KCND2: variants seen among roughly 807,000 people sequenced by gnomAD.
KCND2 encodes the protein potassium voltage-gated channel subfamily D member 2.
KCND2 carries 16 observed loss-of-function variants against 54.4 expected under a neutral mutation model. That is an observed-to-expected ratio of 0.29 (90% confidence interval 0.20 to 0.45). The LOEUF is 0.45. KCND2 is among the 20% of genes least tolerant of loss of function. KCND2 has a pLI of 1.00. For missense variants in KCND2, 486 were observed against 824.2 expected (o/e 0.59, Z 5.02); for synonymous variants, 317 against 310.7 (o/e 1.02, Z -0.21).
intron 1 of KCND2, among the ~76,000 whole-genome samples, chr7:120,468,064 T>C (rs1307684159): frequency 6.6e-6 from 1 of 152,122 alleles, no homozygotes; most frequent in Non-Finnish European, 1.5e-5. Context: ...CTCTGGAAGC[T>C]TTAGGCCTCT....
chr7:120,428,164 C>T (rs1217695134), intron 1 of KCND2, among the ~76,000 whole-genome samples: 1 of 152,166 alleles, frequency 6.6e-6, no homozygotes, highest in Admixed American at 6.5e-5. Flanking sequence ...CCAACTCATT[C>T]TTTAAAAATC....
chr7:120,315,626 A>G (rs1379204565), intron 1 of KCND2, among the ~76,000 whole-genome samples: 1 of 152,138 alleles, frequency 6.6e-6, no homozygotes, highest in Non-Finnish European at 1.5e-5. Flanking sequence ...GATAGTCCCT[A>G]AAGCCCCCAG....
chr7:120,642,569 TAA>T (rs199550192), intron 1 of KCND2, among the ~76,000 whole-genome samples: 22 of 65,372 alleles, frequency 3.4e-4, no homozygotes, highest in African/African-American at 2.1e-3. Flanking sequence ...AAATAAAAAA[TAA>T]AAAAAAATAT....
In KCND2 at chr7:120,539,801, T is replaced by C. The variant is rs375483305; in HGVS notation, c.1116-193102T>C. On this transcript the variant is annotated intron_variant, in intron 1 of 5. Coordinates refer to ENST00000331113, the MANE Select transcript of KCND2 (RefSeq NM_012281.3). Reference sequence around the variant, plus strand: ...ACTTTTTTTTAGCAAAAAATCCCAATCCCAATACAGTATTATTCTCATGTG... The same window carrying C: ...ACTTTTTTTTAGCAAAAAATCCCAACCCCAATACAGTATTATTCTCATGTG... 1.3e-3 allele frequency among the ~76,000 whole-genome samples: 202 copies of C among 152,132 alleles called. 3 individuals are homozygous for C. In the South Asian group the frequency reaches 0.021, roughly 16 times the overall value.
At chr7:120,346,358 A>AT (rs1380604714) in intron 1 of KCND2, among the ~76,000 whole-genome samples, 2 of 152,158 alleles carry the variant, frequency 1.3e-5, no homozygotes, top group Non-Finnish European at 2.9e-5. Context: ...CCATTACAGT[A>AT]TTTGAGATTC....
intron 1 of KCND2, among the ~76,000 whole-genome samples, chr7:120,586,111 T>G (rs1792596674): frequency 2.0e-5 from 3 of 152,068 alleles, no homozygotes; most frequent in African/African-American, 7.2e-5. Context: ...CAGATTTTTA[T>G]AAATTTTAGG....
At position 120,273,766 on chromosome 7, in the gene KCND2, T is replaced by A. The variant is rs1163426173; in HGVS notation, c.-867T>A. 1 of 152,612 alleles carries A rather than the reference T, an allele frequency of 6.6e-6. No individual in the cohort carries two copies. Among genetic ancestry groups the A allele is most frequent in the Non-Finnish European group, 1.5e-5 (1 of 68,150 alleles). 9.5% of individuals were successfully genotyped at this position (152,612 alleles called of 1,614,324 possible). A position where few individuals can be genotyped will look rare whatever the true frequency, so the allele number is the denominator to read the frequency against. On this transcript the variant is annotated 5_prime_UTR_variant, in exon 1 of 6. Coordinates refer to ENST00000331113, the MANE Select transcript of KCND2 (RefSeq NM_012281.3). ...AAGCCCCGGCGCGCACTTGGCCAGG[T>A]ATGTACCGCGGGAGCGGCGCGTTCT...
chr7:120,714,035 C>T (rs953134877), intron 1 of KCND2, among the ~76,000 whole-genome samples: 1 of 152,048 alleles, frequency 6.6e-6, no homozygotes, highest in African/African-American at 2.4e-5. Flanking sequence ...TGGAGGATAC[C>T]ATATCTTTTA....
intron 1 of KCND2, among the ~76,000 whole-genome samples, chr7:120,491,596 A>G (rs920306303): frequency 1.3e-5 from 2 of 152,112 alleles, no homozygotes; most frequent in African/African-American, 4.8e-5. Context: ...AATCACAGGA[A>G]ACAGTCATAT....
At chr7:120,455,704 G>T (rs2116227532) in intron 1 of KCND2, among the ~76,000 whole-genome samples, 1 of 152,238 alleles carries the variant, frequency 6.6e-6, no homozygotes, top group East Asian at 1.9e-4. Flanking sequence ...GGAGTTGGAG[G>T]TCATTATCCT....
At chr7:120,381,863 G>A (rs1426526204) in intron 1 of KCND2, among the ~76,000 whole-genome samples, 1 of 151,910 alleles carries the variant, frequency 6.6e-6, no homozygotes, top group Admixed American at 6.6e-5. Flanking sequence ...TCAATTTTAA[G>A]AAATGAAAAG....
At chr7:120,361,069 G>A (rs1800586088) in intron 1 of KCND2, among the ~76,000 whole-genome samples, 1 of 151,846 alleles carries the variant, frequency 6.6e-6, no homozygotes, top group East Asian at 1.9e-4. Context: ...TGGTCCTTGT[G>A]GCTTGTCAAT....
intron 1 of KCND2, among the ~76,000 whole-genome samples, chr7:120,336,586 A>G (rs1316635366): frequency 6.6e-6 from 1 of 152,190 alleles, no homozygotes; most frequent in Non-Finnish European, 1.5e-5. Flanking sequence ...TACATAAACC[A>G]TTTGGATTTT....
At chr7:120,709,972 G>A (rs1792517925) in intron 1 of KCND2, among the ~76,000 whole-genome samples, 1 of 152,100 alleles carries the variant, frequency 6.6e-6, no homozygotes, top group Non-Finnish European at 1.5e-5. Flanking sequence ...CAAGCTCAAA[G>A]ATAAAATTAA....
chr7:120,468,169 A>G (rs142979423), intron 1 of KCND2, among the ~76,000 whole-genome samples: 38 of 152,208 alleles, frequency 2.5e-4, no homozygotes, highest in Admixed American at 5.9e-4. Flanking sequence ...AATTCCATAT[A>G]GTATAGAAAA....
chr7:120,727,455 A>G (rs1050221652), intron 1 of KCND2, among the ~76,000 whole-genome samples: 7 of 152,226 alleles, frequency 4.6e-5, no homozygotes, highest in African/African-American at 1.2e-4. Flanking sequence ...ATCAGATTTC[A>G]TGAGATTTAG....
intron 1 of KCND2, among the ~76,000 whole-genome samples, chr7:120,523,704 CTGTG>C (rs199762798): frequency 0.12 from 15,996 of 137,036 alleles, 955 homozygotes; most frequent in African/African-American, 0.17. Flanking sequence ...CACACACACT[CTGTG>C]TGTGTGTGTG....
intron 1 of KCND2, among the ~76,000 whole-genome samples, chr7:120,430,873 A>G (rs1222588221): frequency 3.9e-5 from 6 of 152,220 alleles, no homozygotes; most frequent in African/African-American, 1.4e-4. Context: ...AGTATTATTT[A>G]TCAAAAAGTG....
At chr7:120,630,221 G>A (rs1478675708) in intron 1 of KCND2, among the ~76,000 whole-genome samples, 1 of 152,146 alleles carries the variant, frequency 6.6e-6, no homozygotes, top group Non-Finnish European at 1.5e-5. Flanking sequence ...AGTGACCTCA[G>A]TACACTGAGG....
Sources: allele counts gnomAD v4.1 joint callset (sites outside exome capture counted in the v4.1 genomes callset), GRCh38; gene constraint gnomAD v4.1.1; transcripts MANE v1.5; gene names NCBI Gene and HGNC (gene_info 2026-07-23, HGNC 2026-07-21).